Variants in ACTG2 observed in about 807,000 individuals in gnomAD.
ACTG2 encodes actin, gamma-enteric smooth muscle.
Under a neutral mutation model 37.6 loss-of-function variants are expected in ACTG2, and 16 were observed. The observed-to-expected ratio is 0.43, with a 90% CI of 0.29 to 0.65. ACTG2 has a LOEUF of 0.65. Among genes scored for constraint, ACTG2 ranks in the 30% least tolerant of loss-of-function variants. The probability of loss-of-function intolerance (pLI) is 0.18; values close to 1 mark genes in which losing one functional copy is unlikely to be tolerated. For synonymous variants in ACTG2, 181 were observed against 179.9 expected (o/e 1.01, Z -0.05); for missense variants, 238 against 490.9 (o/e 0.48, Z 4.87).
chr2:73,910,889 T>G (rs1680119037), intron 5 of ACTG2, among the ~76,000 whole-genome samples: 1 of 152,146 alleles, frequency 6.6e-6, no homozygotes, highest in African/African-American at 2.4e-5. Context: ...ATATCCTTTA[T>G]TCTACAAGCT....
chr2:73,906,414 G>GTAC (rs781709009), intron 3 of ACTG2, among the ~76,000 whole-genome samples: 2 of 151,992 alleles, frequency 1.3e-5, no homozygotes, highest in Non-Finnish European at 1.5e-5. Flanking sequence ...TGGCGCCACT[G>GTAC]TACTCCAGCC....
Position 73,901,377 on chromosome 2 carries a change from C to T in ACTG2, c.66C>T (p.Phe22=), listed in dbSNP as rs779522349. Residue 22 remains phenylalanine, a synonymous_variant, in exon 2 of 9, where the codon TTC becomes TTT. Coordinates refer to ENST00000345517, the MANE Select transcript of ACTG2 (RefSeq NM_001615.4). Reference sequence around the variant, plus strand: ...GCTCTGGCCTGTGCAAGGCAGGCTTCGCAGGAGATGATGCCCCCCGGGCTG... The same window carrying T: ...GCTCTGGCCTGTGCAAGGCAGGCTTTGCAGGAGATGATGCCCCCCGGGCTG... ...DNGSGLCKAG[F]AGDDAPRAVF... The T allele has an allele frequency of 1.2e-5, 20 of 1,614,078 alleles. No individual in the cohort carries two copies. The highest frequency in any genetic ancestry group is 5.5e-5 in the South Asian group (5 of 91,076).
chr2:73,904,691 A>G (rs1679970546), intron 3 of ACTG2, among the ~76,000 whole-genome samples: 1 of 149,752 alleles, frequency 6.7e-6, no homozygotes, highest in Non-Finnish European at 1.5e-5. Flanking sequence ...ATGTATAAAT[A>G]TAAAATCATT....
chr2:73,900,802 AT>A (rs1558621927), intron 1 of ACTG2, among the ~76,000 whole-genome samples: 3 of 152,202 alleles, frequency 2.0e-5, no homozygotes, highest in African/African-American at 4.8e-5. Context: ...AGAGGTAATC[AT>A]GATAATCAGT....
chr2:73,906,344 G>T (rs1219089654), intron 3 of ACTG2, among the ~76,000 whole-genome samples: 1 of 151,844 alleles, frequency 6.6e-6, no homozygotes, highest in Non-Finnish European at 1.5e-5. Flanking sequence ...CCAGCTACTC[G>T]GGAGGCTGAC....
In ACTG2 at chr2:73,916,805, TAA is replaced by T. The variant is rs1425477061; in HGVS notation, c.987+42_987+43del. ...AGTTGTCTCCATCCTGTTCTTTGTA[TAA>T]AGTCTTGCCTACCTGGGAGTTCCTC... On this transcript the variant is annotated intron_variant, in intron 8 of 8. Coordinates refer to ENST00000345517, the MANE Select transcript of ACTG2 (RefSeq NM_001615.4). 5 of 1,595,030 alleles carry T rather than the reference TAA, an allele frequency of 3.1e-6. No homozygotes were observed. In the Admixed American group the frequency reaches 8.5e-5, roughly 27 times the overall value.
At chr2:73,901,237 C>A in intron 1 of ACTG2, 39 bp from the exon 2 acceptor site, 1 of 1,437,272 alleles carries the variant, frequency 7.0e-7, no homozygotes. Flanking sequence ...ACTGATTTGA[C>A]AAGTGGCTGA....
At chr2:73,912,189 G>A (rs1305233667) in intron 5 of ACTG2, among the ~76,000 whole-genome samples, 16 of 152,106 alleles carry the variant, frequency 1.1e-4, no homozygotes, top group African/African-American at 3.1e-4. Flanking sequence ...ATGCAGTTTC[G>A]CTCTGTTGCC....
At chr2:73,898,707 A>G (rs1250828480) in intron 1 of ACTG2, among the ~76,000 whole-genome samples, 1 of 151,926 alleles carries the variant, frequency 6.6e-6, no homozygotes, top group Non-Finnish European at 1.5e-5. Flanking sequence ...GGTAGCTTTT[A>G]TCCTGGCCAT....
chr2:73,897,443 G>A (rs1164646585), intron 1 of ACTG2: 1 of 152,362 alleles, frequency 6.6e-6, no homozygotes, highest in Non-Finnish European at 1.5e-5. Flanking sequence ...CCACCTGCTA[G>A]AACAGGGCAG....
chr2:73,895,997 T>C (rs547030552), intron 1 of ACTG2, among the ~76,000 whole-genome samples: 3 of 152,194 alleles, frequency 2.0e-5, no homozygotes, highest in Non-Finnish European at 2.9e-5. Context: ...ATAATTTCCA[T>C]GGGTCATGAA....
chr2:73,898,418 T>G (rs1473551580), intron 1 of ACTG2, among the ~76,000 whole-genome samples: 1 of 146,546 alleles, frequency 6.8e-6, no homozygotes, highest in Non-Finnish European at 1.5e-5. Context: ...GCAATTAGTT[T>G]ACAAGCCAAC....
At chr2:73,902,921 A>G (rs1199261569) in intron 3 of ACTG2, 4 of 750,862 alleles carry the variant, frequency 5.3e-6, no homozygotes, top group East Asian at 2.8e-5. Context: ...GCCAGTGCTC[A>G]CCCCTTCTTT....
intron 8 of ACTG2, among the ~76,000 whole-genome samples, chr2:73,918,520 CA>C (rs776334501): frequency 6.6e-6 from 1 of 151,854 alleles, no homozygotes; most frequent in Non-Finnish European, 1.5e-5. Flanking sequence ...TCTACGGCAA[CA>C]AAAAAAATCA....
At chr2:73,914,957 C>T (rs1680227346) in intron 7 of ACTG2, 86 bp downstream of exon 7, 1 of 1,195,996 alleles carries the variant, frequency 8.4e-7, no homozygotes, top group Non-Finnish European at 1.1e-6. Flanking sequence ...CACCAGGAGT[C>T]ATGGCCACTT....
chr2:73,916,376 A>G (rs1431374329), intron 7 of ACTG2, among the ~76,000 whole-genome samples: 2 of 36,890 alleles, frequency 5.4e-5, no homozygotes, highest in African/African-American at 1.0e-4. Flanking sequence ...CCATCTCAGA[A>G]AAAAAAAAAA....
At chr2:73,904,775 GTGTATATATATATATATATATATA>G (rs1458195983) in intron 3 of ACTG2, among the ~76,000 whole-genome samples, 322 of 19,124 alleles carry the variant, frequency 0.017, no homozygotes, top group Non-Finnish European at 0.022. Context: ...GTGTGTGTGT[GTGTATATATATATATATATATATA>G]TATATATATA....
chr2:73,914,926 G>C, intron 7 of ACTG2, 55 bp downstream of exon 7: 1 of 1,423,990 alleles, frequency 7.0e-7, no homozygotes, highest in Non-Finnish European at 9.3e-7. Context: ...TGGAGGAGTG[G>C]GTGAGGTATG....
In ACTG2 at chr2:73,893,765, C is replaced by A. The variant is rs566607007; in HGVS notation, c.-37+714C>A. ...GCCACTCATCCAAAAGACTCACACC[C>A]AACTGTGACCCATTTGCAGATGTCA... On this transcript the variant is annotated intron_variant, in intron 1 of 8. Coordinates refer to ENST00000345517, the MANE Select transcript of ACTG2 (RefSeq NM_001615.4). Among the ~76,000 whole-genome samples the A allele has an allele frequency of 1.5e-4, 23 of 152,270 alleles. 1 individual carries two copies. Among genetic ancestry groups the A allele is most frequent in the African/African-American group, 5.5e-4 (23 of 41,566 alleles).
Sources: gnomAD v4.1 joint callset for allele counts (sites outside exome capture counted in the v4.1 genomes callset) on GRCh38, gnomAD v4.1.1 for gene constraint, MANE v1.5 for transcripts, NCBI Gene and HGNC (gene_info 2026-07-23, HGNC 2026-07-21) for gene names.